TCF7L2: variants seen among roughly 807,000 people sequenced by gnomAD.
TCF7L2 encodes the protein transcription factor 7 like 2, also known as transcription factor 7-like 2.
A neutral mutation model predicts 77.9 loss-of-function variants in TCF7L2; 23 were observed. The observed-to-expected ratio is 0.30, with a 90% CI of 0.21 to 0.42. The LOEUF is 0.42. Ranked by LOEUF, TCF7L2 falls within the 10% of genes least tolerant of loss-of-function variation. The pLI, the probability that TCF7L2 is intolerant of heterozygous loss-of-function variation, is 1.00. For missense variants in TCF7L2, 654 were observed against 793.1 expected, an observed-to-expected ratio of 0.82 and a Z score of 2.11; for synonymous variants, 413 against 340.2, an observed-to-expected ratio of 1.21 and a Z score of -2.36.
At chr10:113,121,768 TAC>T (rs143402200) in intron 5 of TCF7L2, among the ~76,000 whole-genome samples, 1 of 139,644 alleles carries the variant, frequency 7.2e-6, no homozygotes, top group African/African-American at 2.8e-5. Context: ...CACGCACACA[TAC>T]ACACAACACA....
intron 5 of TCF7L2, among the ~76,000 whole-genome samples, chr10:113,097,661 A>T (rs1324527719): frequency 6.2e-5 from 9 of 144,514 alleles, no homozygotes; most frequent in Admixed American, 1.3e-4. Flanking sequence ...AAAAAAAAAA[A>T]AAAAAAAAAA....
At chr10:112,987,070 A>G (rs1415683834) in intron 4 of TCF7L2, among the ~76,000 whole-genome samples, 2 of 152,194 alleles carry the variant, frequency 1.3e-5, no homozygotes, top group Non-Finnish European at 2.9e-5. Flanking sequence ...ACTGGAAACG[A>G]CAACCCGAGT....
intron 5 of TCF7L2, among the ~76,000 whole-genome samples, chr10:113,066,206 TA>T (rs890712260): frequency 6.6e-6 from 1 of 151,594 alleles, no homozygotes; most frequent in Non-Finnish European, 1.5e-5. Context: ...CTACTAAAAA[TA>T]AAAAAAATTT....
At chr10:113,037,768 C>G (rs930067638) in intron 4 of TCF7L2, among the ~76,000 whole-genome samples, 1 of 152,166 alleles carries the variant, frequency 6.6e-6, no homozygotes, top group African/African-American at 2.4e-5. Context: ...AAGATGAAAA[C>G]TTGTCCACCA....
chr10:113,002,352 C>T (rs2044642780), intron 4 of TCF7L2, among the ~76,000 whole-genome samples: 1 of 152,122 alleles, frequency 6.6e-6, no homozygotes, highest in African/African-American at 2.4e-5. Context: ...ATTTTGCTCA[C>T]CAGAGGACAT....
At chr10:112,997,045 G>T (rs2043611226) in intron 4 of TCF7L2, among the ~76,000 whole-genome samples, 1 of 152,238 alleles carries the variant, frequency 6.6e-6, no homozygotes. Flanking sequence ...CTGCCCAAGT[G>T]TCCTGTTCCC....
At chr10:113,056,217 G>C (rs1414277760) in intron 5 of TCF7L2, among the ~76,000 whole-genome samples, 1 of 152,214 alleles carries the variant, frequency 6.6e-6, no homozygotes, top group African/African-American at 2.4e-5. Flanking sequence ...AAAGCAGTTA[G>C]ATAATTTATG....
chr10:113,064,422 A>G (rs952948833), intron 5 of TCF7L2, among the ~76,000 whole-genome samples: 1 of 152,234 alleles, frequency 6.6e-6, no homozygotes, highest in Non-Finnish European at 1.5e-5. Flanking sequence ...TACGAAACCC[A>G]AGTAAGCATG....
intron 5 of TCF7L2, among the ~76,000 whole-genome samples, chr10:113,133,906 A>G (rs1465418856): frequency 6.6e-6 from 1 of 152,152 alleles, no homozygotes; most frequent in Non-Finnish European, 1.5e-5. Context: ...CTGCGGGGGT[A>G]GGTTCTGCAG....
At position 113,165,753 on chromosome 10, in the gene TCF7L2, C is replaced by A. The variant is rs751097280; in HGVS notation, c.1590C>A (p.Ser530=). 1 of 1,611,758 alleles carries A rather than the reference C, an allele frequency of 6.2e-7. No individual in the cohort carries two copies. The stretch of plus-strand genomic sequence containing the variant: ...AGCCCGACCCCCTGGCCCACCTGTC[C>A]ATGATGCCTCCGCCACCCGCCCTCC... The change falls in exon 14 of 14, where the codon TCC becomes TCA. Residue 530 remains serine (S), a synonymous_variant. Coordinates refer to ENST00000627217, the MANE Select transcript of TCF7L2 (RefSeq NM_001146274.2).
chr10:113,143,015 T>C (rs527779984), intron 6 of TCF7L2, among the ~76,000 whole-genome samples: 36 of 152,362 alleles, frequency 2.4e-4, no homozygotes, highest in South Asian at 8.3e-4. Flanking sequence ...TGAAGTCGTT[T>C]TCGTCCACGA....
chr10:113,020,220 C>G (rs1445513880), intron 4 of TCF7L2, among the ~76,000 whole-genome samples: 2 of 152,198 alleles, frequency 1.3e-5, no homozygotes, highest in Admixed American at 1.3e-4. Flanking sequence ...CCAGAACGTG[C>G]CTGACCTACT....
chr10:113,029,341 C>T (rs73358278), intron 4 of TCF7L2, among the ~76,000 whole-genome samples: 7,523 of 152,182 alleles, frequency 0.049, 588 homozygotes, highest in African/African-American at 0.17. Context: ...CTTGGAGTTC[C>T]CATGCCTTTG....
intron 5 of TCF7L2, among the ~76,000 whole-genome samples, chr10:113,076,124 A>G (rs1354628529): frequency 7.0e-6 from 1 of 142,764 alleles, no homozygotes; most frequent in African/African-American, 2.6e-5. Flanking sequence ...CAACAGAGCA[A>G]GACTCCATCT....
chr10:113,160,702 A>G, intron 13 of TCF7L2: 1 of 1,583,356 alleles, frequency 6.3e-7, no homozygotes, highest in Non-Finnish European at 8.6e-7. Context: ...GTATATTACC[A>G]CTGCGAGGCC....
In TCF7L2 at chr10:113,073,588, A is replaced by T. The variant is rs145908220; in HGVS notation, c.552+33462A>T. Among the ~76,000 whole-genome samples, 670 of 145,524 alleles carry T rather than the reference A, an allele frequency of 4.6e-3. 2 individuals are homozygous for T. The highest frequency in any genetic ancestry group is 0.016 in the African/African-American group (615 of 39,464). On this transcript the variant is annotated intron_variant, in intron 5 of 13. Coordinates refer to ENST00000627217, the MANE Select transcript of TCF7L2 (RefSeq NM_001146274.2). ...GCTCCTATAGCTCCAGCTACTCAGG[A>T]GGCTGAGGCGGGAGGATCGCTTGAG...
At chr10:113,160,294 A>T (rs2072936292) in intron 12 of TCF7L2, among the ~76,000 whole-genome samples, 1 of 151,886 alleles carries the variant, frequency 6.6e-6, no homozygotes, top group Non-Finnish European at 1.5e-5. Context: ...GTGACAGCCC[A>T]GGATCGGAAT....
In TCF7L2 at chr10:113,078,239, A is replaced by C. The variant is rs78572224; in HGVS notation, c.552+38113A>C. On this transcript the variant is annotated intron_variant, in intron 5 of 13. Coordinates refer to ENST00000627217, the MANE Select transcript of TCF7L2 (RefSeq NM_001146274.2). The stretch of plus-strand genomic sequence containing the variant: ...TGGTAATGACTGTTATGGGGCAAAG[A>C]TGATCAAGTCTATGAGCGGTCCACA... Among the ~76,000 whole-genome samples the C allele has an allele frequency of 6.2e-3, 949 of 152,226 alleles. 8 individuals carry two copies. Among genetic ancestry groups the C allele is most frequent in the African/African-American group, 0.022 (911 of 41,534 alleles).
At chr10:113,105,711 C>G (rs2062216332) in intron 5 of TCF7L2, among the ~76,000 whole-genome samples, 1 of 152,204 alleles carries the variant, frequency 6.6e-6, no homozygotes. Context: ...CACGAAGATC[C>G]TGTCTGCCAG....
Sources: allele counts gnomAD v4.1 joint callset (sites outside exome capture counted in the v4.1 genomes callset), GRCh38; gene constraint gnomAD v4.1.1; transcripts MANE v1.5; gene names NCBI Gene and HGNC (gene_info 2026-07-23, HGNC 2026-07-21).